Variants in AKT3 observed in about 807,000 individuals in gnomAD.
AKT3 encodes the protein RAC-gamma serine/threonine-protein kinase.
In AKT3, 15 loss-of-function variants were observed where a neutral mutation model predicts 65.3. The ratio of observed to expected loss-of-function variants is 0.23; its 90% confidence interval spans 0.15 to 0.35. AKT3 has a LOEUF of 0.35. Among genes scored for constraint, AKT3 ranks in the 10% least tolerant of loss-of-function variants. AKT3 has a pLI of 1.00. For missense variants in AKT3, 243 were observed against 576.5 expected (o/e 0.42, Z 5.92); for synonymous variants, 206 against 183.8 (o/e 1.12, Z -0.98).
chr1:243,654,400 A>C (rs1039968857), intron 4 of AKT3, among the ~76,000 whole-genome samples: 6 of 152,162 alleles, frequency 3.9e-5, no homozygotes, highest in Non-Finnish European at 7.3e-5. Flanking sequence ...TTCTGTACTT[A>C]TCCTCCTGAG....
intron 2 of AKT3, among the ~76,000 whole-genome samples, chr1:243,754,102 G>C (rs1043985066): frequency 1.3e-5 from 2 of 152,010 alleles, no homozygotes; most frequent in African/African-American, 4.8e-5. Flanking sequence ...CTCTCAACAG[G>C]GTACTGGTTT....
chr1:243,708,801 T>C (rs990264016), intron 2 of AKT3, among the ~76,000 whole-genome samples: 3 of 152,014 alleles, frequency 2.0e-5, no homozygotes, highest in Non-Finnish European at 4.4e-5. Flanking sequence ...ACAAAGTAAT[T>C]TGAGGAGGAT....
intron 2 of AKT3, among the ~76,000 whole-genome samples, chr1:243,744,367 C>T (rs1220288580): frequency 6.6e-6 from 1 of 152,168 alleles, no homozygotes; most frequent in Non-Finnish European, 1.5e-5. Flanking sequence ...GGTGTGCTTA[C>T]TTCATGAATA....
intron 2 of AKT3, among the ~76,000 whole-genome samples, chr1:243,801,449 A>G (rs912813076): frequency 3.9e-5 from 6 of 152,232 alleles, no homozygotes; most frequent in African/African-American, 1.4e-4. Flanking sequence ...TGCCATGGAT[A>G]AAGTTTTAAA....
chr1:243,579,639 CAGA>C (rs1675191674), intron 8 of AKT3, among the ~76,000 whole-genome samples: 2 of 152,006 alleles, frequency 1.3e-5, no homozygotes, highest in Admixed American at 1.3e-4. Context: ...ATTATTGAAC[CAGA>C]AGGTTTCTGT....
intron 13 of AKT3, chr1:243,488,487 G>A (rs1665547684): frequency 1.1e-5 from 2 of 185,592 alleles, no homozygotes; most frequent in Non-Finnish European, 2.3e-5. Context: ...GAGTGAATTA[G>A]CAAGTCTGGA....
intron 12 of AKT3, among the ~76,000 whole-genome samples, chr1:243,544,090 G>A (rs1672494104): frequency 2.0e-5 from 3 of 152,034 alleles, no homozygotes; most frequent in Non-Finnish European, 4.4e-5. Context: ...TGAAATGTTG[G>A]AATAAACTGA....
chr1:243,644,426 C>A (rs939808426), intron 5 of AKT3, among the ~76,000 whole-genome samples: 1 of 151,996 alleles, frequency 6.6e-6, no homozygotes, highest in African/African-American at 2.4e-5. Context: ...TGGCTCCCAC[C>A]CTGTGTGTAA....
intron 2 of AKT3, among the ~76,000 whole-genome samples, chr1:243,801,176 T>C (rs1692359107): frequency 6.6e-6 from 1 of 152,220 alleles, no homozygotes; most frequent in Non-Finnish European, 1.5e-5. Flanking sequence ...ATGTTATCTA[T>C]GTTATTCCTC....
chr1:243,648,557 T>C (rs1320168511), intron 4 of AKT3, among the ~76,000 whole-genome samples: 5 of 152,194 alleles, frequency 3.3e-5, no homozygotes, highest in Non-Finnish European at 7.3e-5. Flanking sequence ...TAGTTCTGTC[T>C]GATTTCTGAA....
Position 243,830,644 on chromosome 1 carries a change from G to A in AKT3, c.46+12481C>T, listed in dbSNP as rs918011133. Among the ~76,000 whole-genome samples the A allele has an allele frequency of 4.6e-5, 7 of 152,144 alleles. No homozygotes were observed. The South Asian group carries it at 1.0e-3, about 22-fold the overall frequency. On this transcript the variant is annotated intron_variant, in intron 2 of 13. Coordinates refer to ENST00000673466, the MANE Select transcript of AKT3 (RefSeq NM_005465.7). Reference sequence around the variant, plus strand: ...TAGTTGCCCACAATATCTAAGATAAGTGATCCATTAGAAACACAGTAGAAA... The same window carrying A: ...TAGTTGCCCACAATATCTAAGATAAATGATCCATTAGAAACACAGTAGAAA...
intron 2 of AKT3, among the ~76,000 whole-genome samples, chr1:243,698,620 A>C (rs1685213219): frequency 6.6e-6 from 1 of 152,142 alleles, no homozygotes; most frequent in Non-Finnish European, 1.5e-5. Context: ...TGCATCCTTC[A>C]AACGTAATAC....
chr1:243,717,229 A>G (rs1686568828), intron 2 of AKT3, among the ~76,000 whole-genome samples: 1 of 152,226 alleles, frequency 6.6e-6, no homozygotes, highest in African/African-American at 2.4e-5. Context: ...TGTTTAAGTA[A>G]CTTCCATATA....
chr1:243,689,272 A>G (rs926862024), intron 3 of AKT3, among the ~76,000 whole-genome samples: 3 of 152,124 alleles, frequency 2.0e-5, no homozygotes, highest in African/African-American at 7.2e-5. Flanking sequence ...CTCATAATTC[A>G]TGTACATTTA....
intron 2 of AKT3, 149 bp downstream of exon 2, chr1:243,842,976 T>G (rs920237356): frequency 1.2e-6 from 1 of 823,764 alleles, no homozygotes; most frequent in Non-Finnish European, 1.8e-6. Context: ...ACAAGCAAAT[T>G]CCTAACACAC....
intron 2 of AKT3, among the ~76,000 whole-genome samples, chr1:243,830,559 G>T (rs2148446936): frequency 6.6e-6 from 1 of 152,180 alleles, no homozygotes; most frequent in East Asian, 1.9e-4. Context: ...GCTCAGGAGG[G>T]CAAACAAAGA....
chr1:243,767,060 T>C (rs1035645160), intron 2 of AKT3, among the ~76,000 whole-genome samples: 2 of 152,164 alleles, frequency 1.3e-5, no homozygotes, highest in African/African-American at 2.4e-5. Context: ...AATTCACTGA[T>C]ACACAAAGAA....
intron 2 of AKT3, among the ~76,000 whole-genome samples, chr1:243,765,203 T>C (rs937410635): frequency 1.3e-5 from 2 of 152,130 alleles, no homozygotes; most frequent in South Asian, 2.1e-4. Context: ...ATAAAACTTA[T>C]TTAAATTTTA....
intron 6 of AKT3, among the ~76,000 whole-genome samples, chr1:243,624,093 G>A (rs1678973600): frequency 6.6e-6 from 1 of 152,164 alleles, no homozygotes; most frequent in Admixed American, 6.5e-5. Context: ...AGCTGACACA[G>A]TTGCCATCAT....
Sources: gnomAD v4.1 joint callset for allele counts (sites outside exome capture counted in the v4.1 genomes callset) on GRCh38, gnomAD v4.1.1 for gene constraint, MANE v1.5 for transcripts, NCBI Gene and HGNC (gene_info 2026-07-23, HGNC 2026-07-21) for gene names.